Variants in ADGRB1 observed in about 807,000 individuals in gnomAD.
ADGRB1 encodes brain-specific angiogenesis inhibitor 1.
Under a neutral mutation model 175.7 loss-of-function variants are expected in ADGRB1, and 36 were observed. That is an observed-to-expected ratio of 0.20 (90% CI 0.16 to 0.27). The LOEUF is 0.27. Ranked by LOEUF, ADGRB1 falls within the 10% of genes least tolerant of loss-of-function variation. ADGRB1 has a pLI of 1.00. For missense variants in ADGRB1, 1,731 were observed against 2,255.3 expected (o/e 0.77, Z 4.71); for synonymous variants, 1,054 against 979.4 (o/e 1.08, Z -1.42).
intron 26 of ADGRB1, among the ~76,000 whole-genome samples, chr8:142,538,219 G>A (rs1020088708): frequency 2.0e-5 from 3 of 152,220 alleles, no homozygotes; most frequent in Non-Finnish European, 4.4e-5. Flanking sequence ...GGTGAACTCT[G>A]CACGGCTGGT....
chr8:142,481,687 C>T lies in ADGRB1; in HGVS notation c.2106C>T (p.Tyr702=), dbSNP rs750778282. The part of the protein sequence containing the change: ...NMTEIFRRAY[Y]SPTPGDVQNF... ...CAGAGATTTTCCGGAGAGCGTACTA[C>T]AGCCCCACCCCTGGGGACGTACAGG... The change falls in exon 11 of 31, where the codon TAC becomes TAT. Residue 702 remains tyrosine, a synonymous_variant. Coordinates refer to ENST00000517894, the MANE Select transcript of ADGRB1 (RefSeq NM_001702.3). 4 of 1,590,838 alleles carry T rather than the reference C, an allele frequency of 2.5e-6. No individual in the cohort carries two copies. The South Asian group carries it at 3.4e-5, about 14-fold the overall frequency.
At chr8:142,487,676 ACT>A (rs1304794291) in intron 13 of ADGRB1, among the ~76,000 whole-genome samples, 1 of 149,794 alleles carries the variant, frequency 6.7e-6, no homozygotes, top group Non-Finnish European at 1.5e-5. Flanking sequence ...ACTTCCCCAA[ACT>A]CTCTTCCCGT....
In ADGRB1 at chr8:142,510,919, CGCCCG is replaced by C; in HGVS notation, c.2676-12_2676-8del. The stretch of plus-strand genomic sequence containing the variant: ...CTCCGCCTGTCTCCCTCCCGTGTCC[CGCCCG>C]CCCCCAGACCCTCCTCCTCCGCCCC... On this transcript the variant is annotated splice_region_variant and splice_polypyrimidine_tract_variant and intron_variant, in intron 17 of 30. Coordinates refer to ENST00000517894, the MANE Select transcript of ADGRB1 (RefSeq NM_001702.3). The surrounding 1 kb of genome is among the most constrained non-coding windows in gnomAD (Gnocchi z 6.3). 7 of 1,064,056 alleles carry C rather than the reference CGCCCG, an allele frequency of 6.6e-6. No homozygotes were observed. Among genetic ancestry groups the C allele is most frequent in the Non-Finnish European group, 8.1e-6 (7 of 866,092 alleles). 65.9% of individuals were successfully genotyped at this position (1,064,056 alleles called of 1,614,324 possible).
At chr8:142,452,118 C>T (rs184978018) in intron 1 of ADGRB1, among the ~76,000 whole-genome samples, 1 of 152,308 alleles carries the variant, frequency 6.6e-6, no homozygotes, top group Non-Finnish European at 1.5e-5. Flanking sequence ...TTCGGGGATC[C>T]CGGAGCGCCC....
At position 142,484,834 on chromosome 8, in the gene ADGRB1, A is replaced by C. The variant is rs540343525; in HGVS notation, c.2308+70A>C. 5.8e-5 allele frequency: 70 copies of C among 1,207,880 alleles called. No individual in the cohort carries two copies. In the East Asian group the frequency reaches 1.2e-3, roughly 21 times the overall value. 74.8% of individuals were successfully genotyped at this position (1,207,880 alleles called of 1,614,324 possible). ...GCCCTGGGCCAGGCCCTTCTGCCTC[A>C]GCATCCTCATCTGTATAAAGGGGCA... On this transcript the variant is annotated intron_variant, in intron 13 of 30. Transcript: ENST00000517894.
Position 142,537,728 on chromosome 8 carries a change from A to G in ADGRB1, c.3666+646A>G, listed in dbSNP as rs1239896351. On this transcript the variant is annotated intron_variant, in intron 26 of 30. Coordinates refer to ENST00000517894, the MANE Select transcript of ADGRB1 (RefSeq NM_001702.3). This position sits in a 1 kb window ranked among gnomAD's most constrained non-coding sequence, Gnocchi z 4.6. Reference sequence around the variant, plus strand: ...TGCCTGCGCCTGTCCTCTTTACAGCACAGCGTTCCCACGACACGCACAGGT... The same window carrying G: ...TGCCTGCGCCTGTCCTCTTTACAGCGCAGCGTTCCCACGACACGCACAGGT... 3.3e-5 allele frequency among the ~76,000 whole-genome samples: 5 copies of G among 151,980 alleles called. No individual in the cohort carries two copies. The highest frequency in any genetic ancestry group is 6.6e-5 in the Admixed American group (1 of 15,266).
chr8:142,463,434 C>G (rs1369762203), intron 1 of ADGRB1, among the ~76,000 whole-genome samples: 1 of 152,240 alleles, frequency 6.6e-6, no homozygotes, highest in African/African-American at 2.4e-5. Flanking sequence ...AGACGGGAGG[C>G]TGGGGAATGG....
rs1369377034 is a variant in ADGRB1 at position 142,516,488 on chromosome 8, CGT to C, written c.2818-1644_2818-1643del. ...CCCCAGATGTGTGTGTGTGCGCGCG[CGT>C]GTGTGCGGGCCCCAGGTGCGTGCGT... On this transcript the variant is annotated intron_variant, in intron 18 of 30. Coordinates refer to ENST00000517894, the MANE Select transcript of ADGRB1 (RefSeq NM_001702.3). 1.9e-3 allele frequency among the ~76,000 whole-genome samples: 227 copies of C among 118,028 alleles called. 1 individual carries two copies. Among genetic ancestry groups the C allele is most frequent in the African/African-American group, 6.7e-3 (201 of 29,918 alleles). 77.4% of individuals were successfully genotyped at this position (118,028 alleles called of 152,430 possible). A position where few individuals can be genotyped will look rare whatever the true frequency, so the allele number is the denominator to read the frequency against.
chr8:142,496,874 A>G (rs951797936), intron 17 of ADGRB1, among the ~76,000 whole-genome samples: 1 of 152,060 alleles, frequency 6.6e-6, no homozygotes. Context: ...GACCATAATG[A>G]CCTGAGAAGT....
rs764250304 is a variant in ADGRB1, at chr8:142,492,273, C to G, written c.2675+1458C>G. ...TCCGCCCATCGCCCACTGCTCACCACCCTTCCTCCGGCGGTCACTACCCTC... is the reference window on the plus strand; with the variant it reads ...TCCGCCCATCGCCCACTGCTCACCAGCCTTCCTCCGGCGGTCACTACCCTC... On this transcript the variant is annotated intron_variant, in intron 17 of 30. Transcript: ENST00000517894. This position sits in a 1 kb window ranked among gnomAD's most constrained non-coding sequence, Gnocchi z 4.4. 6.6e-6 allele frequency among the ~76,000 whole-genome samples: 1 copy of G among 152,220 alleles called. No individual in the cohort carries two copies. Among genetic ancestry groups the G allele is most frequent in the Non-Finnish European group, 1.5e-5 (1 of 68,042 alleles).
intron 19 of ADGRB1, among the ~76,000 whole-genome samples, chr8:142,519,727 T>G (rs1843659098): frequency 6.7e-6 from 1 of 148,308 alleles, no homozygotes; most frequent in Non-Finnish European, 1.5e-5. Flanking sequence ...GTGCTGGTGA[T>G]TGTGGTGATG....
intron 25 of ADGRB1, 93 bp from the exon 26 acceptor site, chr8:142,536,894 G>C (rs879123769): frequency 9.1e-7 from 1 of 1,101,190 alleles, no homozygotes. Flanking sequence ...TCCCCGAGAC[G>C]CCCGCCCCCC....
Position 142,481,521 on chromosome 8 carries a change from G to A in ADGRB1, c.1940G>A (p.Arg647Gln), listed in dbSNP as rs762755930. Residue 647 changes from arginine to glutamine, a missense_variant, in exon 11 of 31, where the codon CGG becomes CAG. Physicochemically the swap from Arg to Gln is conservative, Grantham distance 43. This residue lies in a region of ADGRB1 where 388 missense variants were observed against 630.9 expected (regional missense o/e 0.61). Coordinates refer to ENST00000517894, the MANE Select transcript of ADGRB1 (RefSeq NM_001702.3). The stretch of plus-strand genomic sequence containing the variant: ...CGCCCTCTCTGTCTTCCGCAGACCC[G>A]GGAGCACCTGGCCAAGGCTCAGCGA... ...IDYRNIQMMT[R>Q]EHLAKAQRGL... 29 of 1,578,472 alleles carry A rather than the reference G, an allele frequency of 1.8e-5. No individual in the cohort carries two copies. The highest frequency in any genetic ancestry group is 1.0e-4 in the South Asian group (9 of 87,038).
chr8:142,532,222 C>T (rs969663106), intron 24 of ADGRB1, among the ~76,000 whole-genome samples: 1 of 152,202 alleles, frequency 6.6e-6, no homozygotes, highest in African/African-American at 2.4e-5. Context: ...GGGCCTCCTG[C>T]GGGCAGGCAC....
intron 25 of ADGRB1, 62 bp downstream of exon 25, chr8:142,533,528 T>G (rs1389436259): frequency 7.3e-6 from 11 of 1,500,200 alleles, no homozygotes; most frequent in Middle Eastern, 1.9e-4. Context: ...CCGAGTGGCC[T>G]CCTCCTTCCC....
intron 17 of ADGRB1, among the ~76,000 whole-genome samples, chr8:142,496,856 TC>T (rs1452413204): frequency 7.2e-5 from 11 of 152,272 alleles, no homozygotes; most frequent in African/African-American, 2.4e-4. Flanking sequence ...TGCTCCCAAG[TC>T]CGTATTGACC....
rs1841316301 is a variant in ADGRB1, at chr8:142,481,199, GGGATT to G, written c.1829-54_1829-50del. On this transcript the variant is annotated intron_variant, in intron 9 of 30. Transcript: ENST00000517894. Reference sequence around the variant, plus strand: ...AGGTCTGCTGCCAGGGGCCAAGGGTGGGATTCCTGGGCCAGGCAGCGGGCATCCAC... The same window carrying G: ...AGGTCTGCTGCCAGGGGCCAAGGGTGCCTGGGCCAGGCAGCGGGCATCCAC... The G allele has an allele frequency of 3.3e-6, 5 of 1,524,320 alleles. No homozygotes were observed. The East Asian group carries it at 1.1e-4, about 34-fold the overall frequency. 94.4% of individuals were successfully genotyped at this position (1,524,320 alleles called of 1,614,324 possible).
chr8:142,530,178 A>C (rs895731256), intron 24 of ADGRB1, among the ~76,000 whole-genome samples: 1 of 151,780 alleles, frequency 6.6e-6, no homozygotes, highest in Admixed American at 6.6e-5. Context: ...TGTGTGTATG[A>C]GCGTGTGAGC....
chr8:142,486,073 C>T (rs543082995), intron 13 of ADGRB1, among the ~76,000 whole-genome samples: 2 of 152,318 alleles, frequency 1.3e-5, no homozygotes, highest in Admixed American at 1.3e-4. Context: ...ATTTCCAACA[C>T]GTGAACGTTT....
Sources: gnomAD v4.1 joint callset for allele counts (sites outside exome capture counted in the v4.1 genomes callset) on GRCh38, gnomAD v4.1.1 for gene constraint, gnomAD v4.1.1 regional missense constraint, Gnocchi (gnomAD v3.1) non-coding constraint, MANE v1.5 for transcripts, NCBI Gene and HGNC (gene_info 2026-07-23, HGNC 2026-07-21) for gene names.